The following FHOD1 variants were observed in gnomAD, a reference collection of about 807,000 sequenced individuals.
FHOD1 encodes FH1/FH2 domain-containing protein 1.
In FHOD1, 89 loss-of-function variants were observed where a neutral mutation model predicts 111.6. The ratio of observed to expected loss-of-function variants is 0.80; its 90% confidence interval spans 0.67 to 0.95. The LOEUF (loss-of-function observed/expected upper bound fraction) is 0.95, where lower values mean the gene tolerates loss of function less well. Among genes scored for constraint, FHOD1 ranks in the 40% least tolerant of loss-of-function variants. The pLI is 0.00. For missense variants in FHOD1, 1,446 were observed against 1,554.2 expected (o/e 0.93, Z 1.17); for synonymous variants, 618 against 639.0 (o/e 0.97, Z 0.50).
At position 67,237,232 on chromosome 16, in the gene FHOD1, G is replaced by C. The variant is rs759699988; in HGVS notation, c.993+7C>G. The C allele has an allele frequency of 1.9e-6, 3 of 1,612,370 alleles. No individual in the cohort carries two copies. The East Asian group carries it at 6.7e-5, about 36-fold the overall frequency. On this transcript the variant is annotated splice_region_variant and intron_variant, in intron 9 of 21. Transcript: ENST00000258201. This position sits in a 1 kb window ranked among gnomAD's most constrained non-coding sequence, Gnocchi z 5.6. ...CAATCCGCCTCAGAGCGTAAGGCCCGGCCCACCTCGTAGAGCACAAGCTGC... is the reference window on the plus strand; with the variant it reads ...CAATCCGCCTCAGAGCGTAAGGCCCCGCCCACCTCGTAGAGCACAAGCTGC...
intron 18 of FHOD1, 37 bp from the exon 19 acceptor site, chr16:67,230,543 G>A (rs769550151): frequency 8.7e-6 from 14 of 1,613,190 alleles, no homozygotes; most frequent in Non-Finnish European, 1.2e-5. Context: ...AGTAAGTCCT[G>A]CTTATTGTCT....
rs74771707 is a variant in FHOD1, at chr16:67,234,186, C to G, written c.1517G>C (p.Arg506Pro). The G allele has an allele frequency of 6.5e-7, 1 of 1,549,088 alleles. No homozygotes were observed. Among genetic ancestry groups the G allele is most frequent in the South Asian group, 1.2e-5 (1 of 80,452 alleles). ...PQSPAPCVLL[R>P]AQRSLAPEPK... is the part of the protein sequence containing the mutation. ...CTCTGGTGCAAGGCTTCGCTGGGCC[C>G]GGAGCAGGACACAGGGGGCAGGGCT... Residue 506 changes from arginine to proline, a missense_variant, in exon 13 of 22, where the codon CGG (arginine) becomes CCG (proline). Around this residue, in one of 3 missense-constraint regions of FHOD1, gnomAD observed 1,085 missense variants for 1,108.8 expected, o/e 0.98. Coordinates refer to ENST00000258201, the MANE Select transcript of FHOD1 (RefSeq NM_013241.3).
At position 67,234,099 on chromosome 16, in the gene FHOD1, C is replaced by T. The variant is rs550457905; in HGVS notation, c.1604G>A (p.Arg535His). 1.2e-5 allele frequency: 19 copies of T among 1,598,414 alleles called. No homozygotes were observed. The East Asian group carries it at 1.3e-4, about 11-fold the overall frequency. Residue 535 changes from arginine to histidine, a missense_variant, in exon 13 of 22, where the codon CGT becomes CAT. Transcript: ENST00000258201. ...KAEPIWELPT[R>H]APRLSIGDLD... ...GTCCCCAATAGAGAGCCTGGGTGCA[C>T]GGGTAGGGAGCTCCCAGATGGGCTC...
intron 1 of FHOD1, 107 bp from the exon 2 acceptor site, chr16:67,239,561 G>A (rs2034610117): frequency 2.6e-6 from 2 of 770,598 alleles, no homozygotes; most frequent in Non-Finnish European, 4.5e-6. Context: ...AGAGACACAG[G>A]GTCTGCACTA....
intron 11 of FHOD1, 47 bp downstream of exon 11, chr16:67,236,510 G>T (rs2034480894): frequency 2.5e-6 from 4 of 1,594,276 alleles, no homozygotes; most frequent in Non-Finnish European, 3.4e-6. Context: ...AAAGCGGAGG[G>T]ACAATGGGAG....
At chr16:67,233,607 T>C in intron 13 of FHOD1, 50 bp downstream of exon 13, 1 of 1,530,458 alleles carries the variant, frequency 6.5e-7, no homozygotes, top group Non-Finnish European at 8.8e-7. Flanking sequence ...CCTTAAGCTC[T>C]GATTCCCTCC....
In FHOD1 at chr16:67,234,517, C is replaced by A. The variant is rs768462957; in HGVS notation, c.1320-45G>T. Reference sequence around the variant, plus strand: ...ACTGACAGCGTCTGACACACCCCAGCCCAGGTGTACATGCCTTGCTGAGCC... The same window carrying A: ...ACTGACAGCGTCTGACACACCCCAGACCAGGTGTACATGCCTTGCTGAGCC... On this transcript the variant is annotated intron_variant, in intron 11 of 21. Transcript: ENST00000258201. 4 of 1,507,748 alleles carry A rather than the reference C, an allele frequency of 2.7e-6. No homozygotes were observed. In the South Asian group the frequency reaches 4.8e-5, roughly 18 times the overall value. The allele number at this position is 1,507,748 out of a possible 1,614,324, so 93.4% of individuals were successfully genotyped here.
chr16:67,246,326 G>T (rs961131984), intron 1 of FHOD1, among the ~76,000 whole-genome samples: 1 of 152,208 alleles, frequency 6.6e-6, no homozygotes, highest in Non-Finnish European at 1.5e-5. Context: ...GGGAGCTTGT[G>T]GAGGTGGTAG....
In FHOD1 at chr16:67,237,648, G is replaced by T. The variant is rs754312393; in HGVS notation, c.754+9C>A. Reference sequence around the variant, plus strand: ...TGAGCGGTGGGGGGAGAAAGGGACAGTCTCTGACCGGTGGTGCTGGCCACA... The same window carrying T: ...TGAGCGGTGGGGGGAGAAAGGGACATTCTCTGACCGGTGGTGCTGGCCACA... On this transcript the variant is annotated intron_variant, in intron 7 of 21. Coordinates refer to ENST00000258201, the MANE Select transcript of FHOD1 (RefSeq NM_013241.3). This position sits in a 1 kb window ranked among gnomAD's most constrained non-coding sequence, Gnocchi z 5.6. 6.2e-7 allele frequency: 1 copy of T among 1,613,762 alleles called. No homozygotes were observed. Among genetic ancestry groups the T allele is most frequent in the Non-Finnish European group, 8.5e-7 (1 of 1,179,644 alleles).
At chr16:67,235,923 T>G in intron 11 of FHOD1, 2 of 484,162 alleles carry the variant, frequency 4.1e-6, no homozygotes, top group Non-Finnish European at 5.4e-6. Flanking sequence ...CCCCCAGCTT[T>G]GGTTGCATCA....
chr16:67,245,768 G>C (rs2142311063), intron 1 of FHOD1, among the ~76,000 whole-genome samples: 1 of 151,918 alleles, frequency 6.6e-6, no homozygotes, highest in South Asian at 2.1e-4. Context: ...TCGGGGGGGT[G>C]GTGTCAGGGC....
Position 67,229,392 on chromosome 16 carries a change from G to A in FHOD1, c.*244C>T. 2 of 597,590 alleles carry A rather than the reference G, an allele frequency of 3.3e-6. No individual in the cohort carries two copies. The highest frequency in any genetic ancestry group is 5.9e-6 in the Non-Finnish European group (2 of 339,886). 37.0% of individuals were successfully genotyped at this position (597,590 alleles called of 1,614,324 possible). A position where few individuals can be genotyped will look rare whatever the true frequency, so the allele number is the denominator to read the frequency against. The stretch of plus-strand genomic sequence containing the variant: ...ACCCTGAAAGAAGAGAAACCTGTTG[G>A]ATTAGCTAAGAAAATTTTATTTTGC... On this transcript the variant is annotated 3_prime_UTR_variant, in exon 22 of 22. Coordinates refer to ENST00000258201, the MANE Select transcript of FHOD1 (RefSeq NM_013241.3).
intron 1 of FHOD1, among the ~76,000 whole-genome samples, chr16:67,245,629 C>T (rs1328263789): frequency 6.6e-6 from 1 of 151,966 alleles, no homozygotes; most frequent in African/African-American, 2.4e-5. Context: ...CCTGTAATCC[C>T]AGCTATTTGG....
chr16:67,229,473 CAT>C lies in FHOD1; in HGVS notation c.*161_*162del. The stretch of plus-strand genomic sequence containing the variant: ...ACATGCATATGCATGCACACACACA[CAT>C]ACACACACACTCACATGCATACACA... On this transcript the variant is annotated 3_prime_UTR_variant, in exon 22 of 22. Coordinates refer to ENST00000258201, the MANE Select transcript of FHOD1 (RefSeq NM_013241.3). 4.5e-6 allele frequency: 3 copies of C among 666,462 alleles called. No homozygotes were observed. The highest frequency in any genetic ancestry group is 2.7e-6 in the Non-Finnish European group (1 of 367,328). 41.3% of individuals were successfully genotyped at this position (666,462 alleles called of 1,614,324 possible).
At chr16:67,244,332 T>C (rs2034749439) in intron 1 of FHOD1, among the ~76,000 whole-genome samples, 1 of 151,826 alleles carries the variant, frequency 6.6e-6, no homozygotes, top group Admixed American at 6.6e-5. Context: ...GGAGATGAGA[T>C]GCAAGGCCAG....
rs1243780904 is a variant in FHOD1 at position 67,237,970 on chromosome 16, G to A, written c.642+64C>T. 14 of 1,554,284 alleles carry A rather than the reference G, an allele frequency of 9.0e-6. No individual in the cohort carries two copies. The highest frequency in any genetic ancestry group is 1.2e-5 in the Non-Finnish European group (14 of 1,129,242). ...CCCTTCCAGCTCACTTTGCAGAACA[G>A]GAAACTGAGGCCCAGAGAGAAGCAA... On this transcript the variant is annotated intron_variant, in intron 6 of 21. Transcript: ENST00000258201. The surrounding 1 kb of genome is among the most constrained non-coding windows in gnomAD (Gnocchi z 5.6).
At chr16:67,241,990 A>G (rs1270705731) in intron 1 of FHOD1, among the ~76,000 whole-genome samples, 1 of 150,968 alleles carries the variant, frequency 6.6e-6, no homozygotes, top group South Asian at 2.1e-4. Flanking sequence ...TTTTTTTGAT[A>G]TGGAGTCTTG....
At position 67,238,860 on chromosome 16, in the gene FHOD1, G is replaced by A. The variant is rs560972062; in HGVS notation, c.373+43C>T. 2 of 1,599,142 alleles carry A rather than the reference G, an allele frequency of 1.3e-6. No individual in the cohort carries two copies. Among genetic ancestry groups the A allele is most frequent in the East Asian group, 4.5e-5 (2 of 44,802 alleles). On this transcript the variant is annotated intron_variant, in intron 3 of 21. Transcript: ENST00000258201. The surrounding 1 kb of genome is among the most constrained non-coding windows in gnomAD (Gnocchi z 4.2). ...CCTGAAGGTGAGCCAACTGGGCTAT[G>A]GGGAGGAGGTGCTGCTGGACATGGA...
At position 67,230,571 on chromosome 16, in the gene FHOD1, G is replaced by A. The variant is rs555307904; in HGVS notation, c.2858+30C>T. The A allele has an allele frequency of 6.5e-5, 105 of 1,613,392 alleles. No homozygotes were observed. In the East Asian group the frequency reaches 1.3e-3, roughly 20 times the overall value. ...TATTGTCTGAGGGAGGGTGGTGGCC[G>A]TCCTGCCTCTCTTGGGTCCATGCCC... On this transcript the variant is annotated intron_variant, in intron 18 of 21. Transcript: ENST00000258201.
Sources: allele counts gnomAD v4.1 joint callset (sites outside exome capture counted in the v4.1 genomes callset), GRCh38; gene constraint gnomAD v4.1.1; regional missense constraint gnomAD v4.1.1; non-coding constraint Gnocchi (gnomAD v3.1); transcripts MANE v1.5; gene names NCBI Gene and HGNC (gene_info 2026-07-23, HGNC 2026-07-21).